The following NRXN1 variants were observed in gnomAD, a reference collection of about 807,000 sequenced individuals.
NRXN1 encodes the protein neurexin-1.
A neutral mutation model predicts 150.9 loss-of-function variants in NRXN1; 39 were observed. The ratio of observed to expected loss-of-function variants is 0.26; its 90% confidence interval spans 0.20 to 0.34. The LOEUF (loss-of-function observed/expected upper bound fraction) is 0.34, where lower values mean the gene tolerates loss of function less well. Ranked by LOEUF, NRXN1 falls within the 10% of genes least tolerant of loss-of-function variation. NRXN1 has a pLI of 1.00. For synonymous variants in NRXN1, 924 were observed against 757.0 expected (o/e 1.22, Z -3.62); for missense variants, 1,815 against 1,949.9 (o/e 0.93, Z 1.30).
At chr2:50,309,517 C>T (rs1324912964) in intron 17 of NRXN1, among the ~76,000 whole-genome samples, 1 of 152,096 alleles carries the variant, frequency 6.6e-6, no homozygotes, top group Non-Finnish European at 1.5e-5. Flanking sequence ...GAGACTTTTC[C>T]CCTGTATGTC....
chr2:50,404,933 T>C (rs187796308), intron 17 of NRXN1, among the ~76,000 whole-genome samples: 1 of 152,174 alleles, frequency 6.6e-6, no homozygotes, highest in African/African-American at 2.4e-5. Context: ...TGCACCTCTC[T>C]TAGGCTCTTT....
intron 5 of NRXN1, among the ~76,000 whole-genome samples, chr2:50,735,497 G>A (rs72837041): frequency 1.8e-4 from 27 of 152,180 alleles, no homozygotes; most frequent in Non-Finnish European, 2.8e-4. Flanking sequence ...GAAAATGTCA[G>A]ATTGTATCTC....
At chr2:50,013,199 CAAG>C (rs1157017190) in intron 21 of NRXN1, among the ~76,000 whole-genome samples, 1 of 151,060 alleles carries the variant, frequency 6.6e-6, no homozygotes, top group Admixed American at 6.6e-5. Flanking sequence ...ATTATATCTT[CAAG>C]AAGAAGGAGA....
intron 5 of NRXN1, among the ~76,000 whole-genome samples, chr2:50,652,078 G>A (rs575194134): frequency 1.3e-5 from 2 of 152,154 alleles, no homozygotes; most frequent in African/African-American, 2.4e-5. Flanking sequence ...AAACCAGAGA[G>A]GTAGCATCAA....
intron 5 of NRXN1, among the ~76,000 whole-genome samples, chr2:50,683,476 C>G (rs1204201714): frequency 6.8e-6 from 1 of 147,786 alleles, no homozygotes; most frequent in East Asian, 2.0e-4. Flanking sequence ...ACTAAAAATA[C>G]AAAAAATTAG....
At chr2:50,478,847 C>T (rs1248015059) in intron 15 of NRXN1, among the ~76,000 whole-genome samples, 1 of 152,230 alleles carries the variant, frequency 6.6e-6, no homozygotes, top group Non-Finnish European at 1.5e-5. Context: ...ACCTTACAAT[C>T]AACTACTGCC....
chr2:50,667,386 G>A (rs1688214409), intron 5 of NRXN1, among the ~76,000 whole-genome samples: 1 of 151,860 alleles, frequency 6.6e-6, no homozygotes, highest in South Asian at 2.1e-4. Context: ...ATTATTAGAA[G>A]GACATAATAT....
chr2:51,028,526 C>G lies in NRXN1; in HGVS notation c.-253G>C, dbSNP rs1434043980. 1 of 393,096 alleles carries G rather than the reference C, an allele frequency of 2.5e-6. No individual in the cohort carries two copies. Among genetic ancestry groups the G allele is most frequent in the African/African-American group, 2.1e-5 (1 of 48,330 alleles). 24.4% of individuals were successfully genotyped at this position (393,096 alleles called of 1,614,324 possible). A position where few individuals can be genotyped will look rare whatever the true frequency, so the allele number is the denominator to read the frequency against. ...TGGTACAGGGTAGCCACAGAACTTC[C>G]AGACCAAAGGGAGGATGCACTTTGG... is the stretch of plus-strand genomic sequence containing the variant. On this transcript the variant is annotated 5_prime_UTR_variant, in exon 2 of 23. Coordinates refer to ENST00000401669, the MANE Select transcript of NRXN1 (RefSeq NM_001330078.2).
intron 22 of NRXN1, among the ~76,000 whole-genome samples, chr2:49,936,520 T>C (rs1671056000): frequency 6.6e-6 from 1 of 152,080 alleles, no homozygotes; most frequent in Non-Finnish European, 1.5e-5. Flanking sequence ...TTAACCGTAT[T>C]CTCCCCATTT....
chr2:50,443,039 T>C (rs1298141481), intron 17 of NRXN1, among the ~76,000 whole-genome samples: 1 of 152,162 alleles, frequency 6.6e-6, no homozygotes, highest in Non-Finnish European at 1.5e-5. Flanking sequence ...TGAACGTGGG[T>C]GACTAATTGA....
At chr2:50,185,499 A>C (rs181925081) in intron 18 of NRXN1, 1 of 152,194 alleles carries the variant, frequency 6.6e-6, no homozygotes, top group Admixed American at 6.6e-5. Flanking sequence ...CCATGTCATT[A>C]GTTTTCACCA....
At chr2:50,384,930 C>T (rs987465516) in intron 17 of NRXN1, among the ~76,000 whole-genome samples, 4 of 152,168 alleles carry the variant, frequency 2.6e-5, no homozygotes, top group Admixed American at 6.6e-5. Context: ...AATCTTGGAA[C>T]AGCCTTCCAA....
At chr2:50,593,388 A>C (rs1674612263) in intron 8 of NRXN1, among the ~76,000 whole-genome samples, 1 of 152,214 alleles carries the variant, frequency 6.6e-6, no homozygotes, top group African/African-American at 2.4e-5. Flanking sequence ...AAGGGCACTG[A>C]ATTTACAAGC....
chr2:50,921,601 C>T lies in NRXN1; in HGVS notation c.832+268G>A, dbSNP rs191342513. Among the ~76,000 whole-genome samples the T allele has an allele frequency of 1.7e-4, 25 of 151,458 alleles. No homozygotes were observed. In the East Asian group the frequency reaches 3.5e-3, roughly 21 times the overall value. On this transcript the variant is annotated intron_variant, in intron 5 of 22. Coordinates refer to ENST00000401669, the MANE Select transcript of NRXN1 (RefSeq NM_001330078.2). Reference sequence around the variant, plus strand: ...TAAATGATACTGCAGAAACTGACACCGAAACTTGTAGCTAATTTCTAAATA... The same window carrying T: ...TAAATGATACTGCAGAAACTGACACTGAAACTTGTAGCTAATTTCTAAATA...
At chr2:50,486,444 T>A (rs2090881233) in intron 15 of NRXN1, among the ~76,000 whole-genome samples, 1 of 152,216 alleles carries the variant, frequency 6.6e-6, no homozygotes, top group African/African-American at 2.4e-5. Flanking sequence ...ATTTTGGATA[T>A]CATTTTGGGA....
intron 5 of NRXN1, among the ~76,000 whole-genome samples, chr2:50,864,842 G>A (rs180861001): frequency 2.0e-5 from 3 of 152,064 alleles, no homozygotes; most frequent in East Asian, 1.9e-4. Flanking sequence ...AGAAGCACCC[G>A]GAAGAACTGT....
chr2:49,928,449 A>G (rs1004160337), intron 22 of NRXN1, among the ~76,000 whole-genome samples: 1 of 152,176 alleles, frequency 6.6e-6, no homozygotes, highest in Non-Finnish European at 1.5e-5. Flanking sequence ...TGTGTCTAAT[A>G]GATGTGGAAG....
At chr2:50,644,938 G>A (rs1684606890) in intron 5 of NRXN1, among the ~76,000 whole-genome samples, 1 of 149,798 alleles carries the variant, frequency 6.7e-6, no homozygotes, top group South Asian at 2.1e-4. Context: ...CAAAAGCATG[G>A]CTACATAAAT....
chr2:50,180,260 A>C, intron 18 of NRXN1, among the ~76,000 whole-genome samples: 1 of 152,080 alleles, frequency 6.6e-6, no homozygotes, highest in East Asian at 1.9e-4. Context: ...CCTGACTTCA[A>C]GGAATTCTCC....
Sources: gnomAD v4.1 joint callset for allele counts (sites outside exome capture counted in the v4.1 genomes callset) on GRCh38, gnomAD v4.1.1 for gene constraint, MANE v1.5 for transcripts, NCBI Gene and HGNC (gene_info 2026-07-23, HGNC 2026-07-21) for gene names.